FARS2: variants seen among roughly 807,000 people sequenced by gnomAD.
The protein encoded by FARS2 is phenylalanyl-tRNA synthetase 2, mitochondrial.
A neutral mutation model predicts 46.4 loss-of-function variants in FARS2; 40 were observed. The ratio of observed to expected loss-of-function variants is 0.86; its 90% confidence interval spans 0.67 to 1.12. The LOEUF is 1.12. FARS2 is among the 50% of genes most tolerant of loss of function. The pLI, the probability that FARS2 is intolerant of heterozygous loss-of-function variation, is 0.00. For missense variants in FARS2, 513 were observed against 567.9 expected (o/e 0.90, Z 0.98); for synonymous variants, 234 against 214.9 (o/e 1.09, Z -0.78).
chr6:5,421,083 G>C (rs1346902333), intron 3 of FARS2, among the ~76,000 whole-genome samples: 2 of 152,168 alleles, frequency 1.3e-5, no homozygotes, highest in Non-Finnish European at 2.9e-5. Context: ...GCAAACTTCT[G>C]CCTGGGCATC....
intron 1 of FARS2, among the ~76,000 whole-genome samples, chr6:5,290,136 T>G (rs1466568850): frequency 1.3e-5 from 2 of 152,198 alleles, no homozygotes; most frequent in African/African-American, 4.8e-5. Flanking sequence ...GGAAAGTTGA[T>G]TTTTGGTATA....
chr6:5,758,720 T>C (rs998961230), intron 6 of FARS2, among the ~76,000 whole-genome samples: 32 of 152,222 alleles, frequency 2.1e-4, no homozygotes, highest in Admixed American at 2.1e-3. Context: ...AATTCTGAGA[T>C]GAGTTTGGGC....
intron 1 of FARS2, among the ~76,000 whole-genome samples, chr6:5,282,932 A>G (rs1766841193): frequency 6.6e-6 from 1 of 152,152 alleles, no homozygotes; most frequent in Non-Finnish European, 1.5e-5. Flanking sequence ...GTGGCTTGCA[A>G]TGCATATAGT....
At chr6:5,557,555 T>C (rs1771733567) in intron 5 of FARS2, among the ~76,000 whole-genome samples, 2 of 152,186 alleles carry the variant, frequency 1.3e-5, no homozygotes, top group African/African-American at 4.8e-5. Context: ...CAATAAAGCT[T>C]ATGCTTTTGC....
chr6:5,643,102 T>TA (rs1264722839), intron 6 of FARS2, among the ~76,000 whole-genome samples: 1 of 152,232 alleles, frequency 6.6e-6, no homozygotes, highest in Non-Finnish European at 1.5e-5. Context: ...AATATTTACT[T>TA]ACGATTACTT....
chr6:5,625,694 T>C (rs73360254), intron 6 of FARS2, among the ~76,000 whole-genome samples: 16,227 of 152,120 alleles, frequency 0.11, 2,471 homozygotes, highest in African/African-American at 0.34. Flanking sequence ...GATCCAGTCA[T>C]TGGCAGAGTG....
At chr6:5,652,132 G>A (rs1425323622) in intron 6 of FARS2, among the ~76,000 whole-genome samples, 2 of 152,208 alleles carry the variant, frequency 1.3e-5, no homozygotes, top group African/African-American at 2.4e-5. Flanking sequence ...TGTGAGGCAT[G>A]AAGGAGCTAA....
intron 1 of FARS2, among the ~76,000 whole-genome samples, chr6:5,290,200 C>T (rs1323279902): frequency 6.6e-6 from 1 of 152,152 alleles, no homozygotes; most frequent in African/African-American, 2.4e-5. Flanking sequence ...ATTTTACCCC[C>T]ATTTATCTGT....
At chr6:5,728,047 G>T (rs114297675) in intron 6 of FARS2, among the ~76,000 whole-genome samples, 2,294 of 152,258 alleles carry the variant, frequency 0.015, 76 homozygotes, top group African/African-American at 0.053. Flanking sequence ...AGTGGATGCC[G>T]CCTTGATGGC....
At chr6:5,722,677 C>T (rs9405866) in intron 6 of FARS2, among the ~76,000 whole-genome samples, 1 of 151,902 alleles carries the variant, frequency 6.6e-6, no homozygotes, top group African/African-American at 2.4e-5. Context: ...CTACACTGAT[C>T]GGGCCTGAGG....
chr6:5,253,186 ACACTT>A, the FARS2 span, among the ~76,000 whole-genome samples: 1 of 152,238 alleles, frequency 6.6e-6, no homozygotes, highest in South Asian at 2.1e-4. Context: ...TTCTGACACT[ACACTT>A]GGTATGCATT....
At chr6:5,423,483 G>C (rs1275169874) in intron 3 of FARS2, among the ~76,000 whole-genome samples, 1 of 152,058 alleles carries the variant, frequency 6.6e-6, no homozygotes, top group Admixed American at 6.5e-5. Context: ...TGCACACATT[G>C]GTCTTTCTGC....
intron 1 of FARS2, among the ~76,000 whole-genome samples, chr6:5,346,180 C>G (rs767742998): frequency 6.6e-6 from 1 of 152,196 alleles, no homozygotes; most frequent in Non-Finnish European, 1.5e-5. Flanking sequence ...ATGTTCTTTC[C>G]TGAGTTCCAT....
chr6:5,769,061 A>C (rs1429083392), intron 6 of FARS2, among the ~76,000 whole-genome samples: 1 of 152,124 alleles, frequency 6.6e-6, no homozygotes, highest in Non-Finnish European at 1.5e-5. Flanking sequence ...CTATGCGGTC[A>C]TGAATATTTA....
intron 4 of FARS2, among the ~76,000 whole-genome samples, chr6:5,435,223 G>A (rs2432761): frequency 0.65 from 99,387 of 152,132 alleles, 32,833 homozygotes; most frequent in African/African-American, 0.73. Flanking sequence ...TCTGCCTAAC[G>A]TAGAATGAAA....
chr6:5,621,096 G>A (rs1775750416), intron 6 of FARS2, among the ~76,000 whole-genome samples: 1 of 152,170 alleles, frequency 6.6e-6, no homozygotes, highest in African/African-American at 2.4e-5. Context: ...ATAAGGGTAT[G>A]GAGGCAAGAT....
intron 1 of FARS2, among the ~76,000 whole-genome samples, chr6:5,276,912 AC>A (rs1766376644): frequency 6.6e-6 from 1 of 152,218 alleles, no homozygotes; most frequent in Non-Finnish European, 1.5e-5. Context: ...GGAGGAACAA[AC>A]ACATGTTATT....
At chr6:5,603,794 A>T (rs1774675788) in intron 5 of FARS2, among the ~76,000 whole-genome samples, 1 of 152,238 alleles carries the variant, frequency 6.6e-6, no homozygotes, top group Non-Finnish European at 1.5e-5. Flanking sequence ...GTCTTTAAGT[A>T]AGCTCGTATT....
At chr6:5,373,458 A>G (rs540417849) in intron 2 of FARS2, among the ~76,000 whole-genome samples, 4 of 152,146 alleles carry the variant, frequency 2.6e-5, no homozygotes, top group Non-Finnish European at 5.9e-5. Flanking sequence ...CCCAACTACC[A>G]TATGTGTAGG....
Sources: gnomAD v4.1 joint callset for allele counts (sites outside exome capture counted in the v4.1 genomes callset) on GRCh38, gnomAD v4.1.1 for gene constraint, MANE v1.5 for transcripts, NCBI Gene and HGNC (gene_info 2026-07-23, HGNC 2026-07-21) for gene names.